The following ZBTB20 variants were observed in gnomAD, a reference collection of about 807,000 sequenced individuals.
ZBTB20 encodes the protein zinc finger and BTB domain-containing protein 20.
Under a neutral mutation model 56.9 loss-of-function variants are expected in ZBTB20, and 9 were observed. The observed-to-expected ratio is 0.16, with a 90% CI of 0.10 to 0.28. The LOEUF is 0.28. ZBTB20 is among the 10% of genes least tolerant of loss of function. ZBTB20 has a pLI of 1.00. For missense variants in ZBTB20, 655 were observed against 1,003.0 expected (o/e 0.65, Z 4.69); for synonymous variants, 417 against 420.7 (o/e 0.99, Z 0.11).
At chr3:114,396,220 A>T (rs892198701) in intron 7 of ZBTB20, among the ~76,000 whole-genome samples, 3 of 151,578 alleles carry the variant, frequency 2.0e-5, no homozygotes. Flanking sequence ...GTATTATCAG[A>T]GTTTCCTATA....
chr3:114,354,840 A>C (rs549546689), intron 10 of ZBTB20, among the ~76,000 whole-genome samples: 1 of 152,116 alleles, frequency 6.6e-6, no homozygotes, highest in Admixed American at 6.5e-5. Flanking sequence ...TCGGCCTCCC[A>C]AAGTGCTGGG....
chr3:114,740,400 C>T (rs545707416), intron 5 of ZBTB20, among the ~76,000 whole-genome samples: 17 of 152,062 alleles, frequency 1.1e-4, no homozygotes, highest in Admixed American at 8.5e-4. Context: ...CCTGTGGGTA[C>T]GAAAAATGCA....
At chr3:114,694,504 T>C (rs910673445) in intron 5 of ZBTB20, among the ~76,000 whole-genome samples, 1 of 152,018 alleles carries the variant, frequency 6.6e-6, no homozygotes, top group Non-Finnish European at 1.5e-5. Flanking sequence ...AAATCAGGAA[T>C]TCGTGTAGCT....
rs1576184021 is a variant in ZBTB20, at chr3:114,873,086, A to G, written c.-417+27218T>C. ...GAGGCCCAGTAATTGAATCATATAG[A>G]TTGCTAAAAGAAGTTCTGAGAAGAA... On this transcript the variant is annotated intron_variant, in intron 4 of 11. Coordinates refer to ENST00000675478, the MANE Select transcript of ZBTB20 (RefSeq NM_001348800.3). The G allele has an allele frequency of 3.9e-5, 6 of 152,270 alleles. 1 individual carries two copies. In the South Asian group the frequency reaches 1.2e-3, roughly 32 times the overall value. 9.4% of individuals were successfully genotyped at this position (152,270 alleles called of 1,614,324 possible). A position where few individuals can be genotyped will look rare whatever the true frequency, so the allele number is the denominator to read the frequency against.
chr3:114,535,390 G>A (rs2048343265), intron 6 of ZBTB20, among the ~76,000 whole-genome samples: 1 of 152,136 alleles, frequency 6.6e-6, no homozygotes, highest in Non-Finnish European at 1.5e-5. Flanking sequence ...AGAAAATCTA[G>A]AAGAAATGGA....
intron 2 of ZBTB20, among the ~76,000 whole-genome samples, chr3:115,029,724 G>T (rs2080585971): frequency 6.6e-6 from 1 of 150,592 alleles, no homozygotes; most frequent in Non-Finnish European, 1.5e-5. Flanking sequence ...ATCTCACACT[G>T]TATATCAAAA....
chr3:114,720,116 T>A (rs1353180105), intron 5 of ZBTB20, among the ~76,000 whole-genome samples: 1 of 149,236 alleles, frequency 6.7e-6, no homozygotes, highest in African/African-American at 2.4e-5. Context: ...GTATAATATG[T>A]ATATATTGTT....
At chr3:114,847,241 G>A (rs916564573) in intron 4 of ZBTB20, among the ~76,000 whole-genome samples, 4 of 151,210 alleles carry the variant, frequency 2.6e-5, no homozygotes, top group Admixed American at 6.6e-5. Flanking sequence ...CAGGGATACC[G>A]TCATTACTTC....
chr3:115,003,843 C>G (rs2079356911), intron 2 of ZBTB20, among the ~76,000 whole-genome samples: 2 of 151,508 alleles, frequency 1.3e-5, no homozygotes, highest in African/African-American at 2.4e-5. Context: ...TTGAATTTCT[C>G]TTTTCAGCAG....
intron 3 of ZBTB20, among the ~76,000 whole-genome samples, chr3:114,921,608 G>A (rs147883836): frequency 8.0e-4 from 120 of 150,528 alleles, no homozygotes; most frequent in African/African-American, 2.4e-3. Context: ...GCAAGCTATC[G>A]CAAGGACAAA....
chr3:115,037,178 T>C (rs2080960763), intron 2 of ZBTB20, among the ~76,000 whole-genome samples: 1 of 152,196 alleles, frequency 6.6e-6, no homozygotes, highest in South Asian at 2.1e-4. Context: ...GGTCCACCTA[T>C]TTCAGAAACA....
chr3:114,383,100 G>T (rs917553015), intron 8 of ZBTB20, among the ~76,000 whole-genome samples: 1 of 152,190 alleles, frequency 6.6e-6, no homozygotes, highest in African/African-American at 2.4e-5. Context: ...TATGCAGCAA[G>T]GTAGCAAAAC....
At chr3:114,888,709 C>T (rs1462820038) in intron 4 of ZBTB20, among the ~76,000 whole-genome samples, 2 of 152,018 alleles carry the variant, frequency 1.3e-5, no homozygotes, top group African/African-American at 4.8e-5. Context: ...GTATACAGAT[C>T]ACGGCTTGAG....
intron 6 of ZBTB20, among the ~76,000 whole-genome samples, chr3:114,664,604 AACACAC>A (rs377253945): frequency 1.4e-4 from 21 of 149,018 alleles, no homozygotes; most frequent in Middle Eastern, 6.4e-3. Flanking sequence ...CCACCTCCCC[AACACAC>A]ACACACACAC....
intron 6 of ZBTB20, among the ~76,000 whole-genome samples, chr3:114,541,373 T>C (rs1407638571): frequency 6.6e-6 from 1 of 152,138 alleles, no homozygotes; most frequent in Admixed American, 6.6e-5. Context: ...TATGTTTCAT[T>C]TAAATGTGTG....
chr3:115,143,102 A>G (rs928824538), intron 1 of ZBTB20, among the ~76,000 whole-genome samples: 1 of 152,214 alleles, frequency 6.6e-6, no homozygotes, highest in Admixed American at 6.5e-5. Context: ...TCACAATCTC[A>G]GCATTAAATC....
At chr3:115,065,423 G>A (rs2082172033) in intron 2 of ZBTB20, among the ~76,000 whole-genome samples, 1 of 152,078 alleles carries the variant, frequency 6.6e-6, no homozygotes, top group Admixed American at 6.6e-5. Context: ...CATGTATTCG[G>A]CTTTCCCATT....
chr3:114,756,951 A>G (rs2068049857), intron 5 of ZBTB20, among the ~76,000 whole-genome samples: 1 of 152,124 alleles, frequency 6.6e-6, no homozygotes, highest in African/African-American at 2.4e-5. Context: ...ACCACCTGGG[A>G]ATAATGTCAA....
chr3:114,931,832 A>G (rs918725163), intron 3 of ZBTB20, among the ~76,000 whole-genome samples: 2 of 152,126 alleles, frequency 1.3e-5, no homozygotes, highest in Non-Finnish European at 2.9e-5. Context: ...GATTTTTTCA[A>G]AAATGTCAAC....
Sources: gnomAD v4.1 joint callset for allele counts (sites outside exome capture counted in the v4.1 genomes callset) on GRCh38, gnomAD v4.1.1 for gene constraint, MANE v1.5 for transcripts, NCBI Gene and HGNC (gene_info 2026-07-23, HGNC 2026-07-21) for gene names.